ARHGAP32: variants seen among roughly 807,000 people sequenced by gnomAD.
The protein encoded by ARHGAP32 is Rho GTPase activating protein 32.
ARHGAP32 carries 51 observed loss-of-function variants against 186.5 expected under a neutral mutation model. The observed-to-expected ratio is 0.27, with a 90% confidence interval of 0.22 to 0.35. The LOEUF (loss-of-function observed/expected upper bound fraction) is 0.35. ARHGAP32 is among the 10% of genes least tolerant of loss of function. ARHGAP32 has a pLI of 1.00. For synonymous variants in ARHGAP32, 950 were observed against 964.3 expected (o/e 0.99, Z 0.27); for missense variants, 2,186 against 2,623.5 (o/e 0.83, Z 3.64).
rs1812902 is a variant in ARHGAP32, at chr11:129,138,319, C to A, written c.226-13425G>T. Among the ~76,000 whole-genome samples, 130 of 77,744 alleles carry A rather than the reference C, an allele frequency of 1.7e-3. 5 individuals are homozygous for A. Among genetic ancestry groups the A allele is most frequent in the Non-Finnish European group, 1.9e-3 (66 of 34,866 alleles). 51.0% of individuals were successfully genotyped at this position (77,744 alleles called of 152,430 possible). A position where few individuals can be genotyped will look rare whatever the true frequency, so the allele number is the denominator to read the frequency against. On this transcript the variant is annotated intron_variant, in intron 2 of 22. Transcript: ENST00000682385. The stretch of plus-strand genomic sequence containing the variant: ...GGTAAAAAAAAAAAAAAAAAAAGAA[C>A]AATGCCGTCTTAAAAAGTAGAGCAT...
At chr11:129,205,393 T>C (rs1944503600) in intron 1 of ARHGAP32, among the ~76,000 whole-genome samples, 2 of 152,290 alleles carry the variant, frequency 1.3e-5, no homozygotes, top group South Asian at 4.1e-4. Context: ...CAGGTACTAT[T>C]CAAGTTACAA....
intron 6 of ARHGAP32, among the ~76,000 whole-genome samples, chr11:129,079,174 T>A (rs1284752011): frequency 6.6e-6 from 1 of 152,172 alleles, no homozygotes; most frequent in East Asian, 1.9e-4. Context: ...ATCTAAAGGT[T>A]TGGAAAACAT....
chr11:129,133,960 T>TA (rs1210182943), intron 2 of ARHGAP32, among the ~76,000 whole-genome samples: 1 of 152,204 alleles, frequency 6.6e-6, no homozygotes, highest in East Asian at 1.9e-4. Flanking sequence ...GTGATCTATA[T>TA]AAAAACTTTA....
At chr11:129,100,802 A>G (rs950267266) in intron 5 of ARHGAP32, among the ~76,000 whole-genome samples, 3 of 152,132 alleles carry the variant, frequency 2.0e-5, no homozygotes, top group Non-Finnish European at 4.4e-5. Flanking sequence ...CACCTCCAGC[A>G]CAACTGTGTG....
chr11:129,002,465 G>C (rs574903132), intron 11 of ARHGAP32, among the ~76,000 whole-genome samples: 6 of 152,080 alleles, frequency 3.9e-5, no homozygotes, highest in Non-Finnish European at 7.4e-5. Context: ...TACTGAATTT[G>C]TTTTATCAGT....
intron 1 of ARHGAP32, among the ~76,000 whole-genome samples, chr11:129,186,572 C>A (rs987787833): frequency 8.6e-5 from 13 of 151,968 alleles, no homozygotes; most frequent in African/African-American, 2.9e-4. Flanking sequence ...AGAAAACAAT[C>A]AACAAAGTGA....
At chr11:129,071,593 A>C (rs1940868401) in intron 6 of ARHGAP32, among the ~76,000 whole-genome samples, 1 of 151,908 alleles carries the variant, frequency 6.6e-6, no homozygotes, top group Non-Finnish European at 1.5e-5. Context: ...GAAACAAGGG[A>C]CTCCCCATAC....
intron 11 of ARHGAP32, among the ~76,000 whole-genome samples, chr11:129,000,415 T>G (rs1946323482): frequency 6.6e-6 from 1 of 152,204 alleles, no homozygotes; most frequent in South Asian, 2.1e-4. Context: ...CTAAGCCAGA[T>G]GGCCTAAATC....
intron 12 of ARHGAP32, among the ~76,000 whole-genome samples, chr11:128,997,408 C>T (rs1205555512): frequency 6.6e-6 from 1 of 152,158 alleles, no homozygotes; most frequent in Non-Finnish European, 1.5e-5. Context: ...ATACTATCAA[C>T]TCAGTATTAT....
At chr11:129,150,282 A>G (rs1943261262) in intron 2 of ARHGAP32, among the ~76,000 whole-genome samples, 1 of 152,112 alleles carries the variant, frequency 6.6e-6, no homozygotes, top group Non-Finnish European at 1.5e-5. Context: ...TGGCCTTCCT[A>G]GAGATCTAGA....
At chr11:129,200,410 C>T (rs1820271818) in intron 1 of ARHGAP32, among the ~76,000 whole-genome samples, 2 of 152,074 alleles carry the variant, frequency 1.3e-5, no homozygotes, top group African/African-American at 4.8e-5. Flanking sequence ...GGGGGTGGTT[C>T]CCCCATACTT....
intron 10 of ARHGAP32, among the ~76,000 whole-genome samples, chr11:129,053,730 A>T (rs1160021987): frequency 6.6e-6 from 1 of 152,178 alleles, no homozygotes; most frequent in Non-Finnish European, 1.5e-5. Context: ...ACACCTAAGT[A>T]CTCAAGAAAT....
intron 10 of ARHGAP32, among the ~76,000 whole-genome samples, chr11:129,051,677 C>G (rs1247648860): frequency 6.6e-6 from 1 of 151,984 alleles, no homozygotes; most frequent in Non-Finnish European, 1.5e-5. Flanking sequence ...GGTATATTGG[C>G]TGGGCGTGGT....
At chr11:129,187,017 A>G (rs2135545508) in intron 1 of ARHGAP32, among the ~76,000 whole-genome samples, 1 of 152,322 alleles carries the variant, frequency 6.6e-6, no homozygotes, top group East Asian at 1.9e-4. Context: ...TGTTGGACAT[A>G]TACCCAAATG....
intron 2 of ARHGAP32, among the ~76,000 whole-genome samples, chr11:129,159,613 C>T (rs571118706): frequency 4.0e-5 from 6 of 151,768 alleles, no homozygotes; most frequent in East Asian, 1.9e-4. Context: ...CAGGATCAGA[C>T]GGATTCACAG....
Position 129,041,001 on chromosome 11 carries a change from G to A in ARHGAP32, c.972C>T (p.Leu324=). The A allele has an allele frequency of 6.3e-7, 1 of 1,594,972 alleles. No homozygotes were observed. The highest frequency in any genetic ancestry group is 8.5e-7 in the Non-Finnish European group (1 of 1,169,876). ...TTAACTCAACACAGTGTCCAGGGAA[G>A]AGTCCCACCTGATGAAAAGCAACAA... ...WRGKHGFQVG[L]FPGHCVELIN... The change falls in exon 11 of 23, where the codon CTC becomes CTT. Residue 324 remains leucine (L), a synonymous_variant. Coordinates refer to ENST00000682385, the MANE Select transcript of ARHGAP32 (RefSeq NM_001378024.1).
At chr11:129,151,198 C>T (rs187529591) in intron 2 of ARHGAP32, among the ~76,000 whole-genome samples, 146 of 152,114 alleles carry the variant, frequency 9.6e-4, no homozygotes, top group Non-Finnish European at 1.2e-3. Context: ...TAAATATATA[C>T]GCACTTAACA....
chr11:129,124,039 A>AT (rs1942598501), intron 3 of ARHGAP32, 110 bp from the exon 4 acceptor site: 4 of 628,456 alleles, frequency 6.4e-6, no homozygotes, highest in African/African-American at 2.0e-5. Flanking sequence ...AAAACTGATT[A>AT]CTTTCAGGTA....
intron 6 of ARHGAP32, among the ~76,000 whole-genome samples, chr11:129,091,233 G>C (rs1941569816): frequency 6.6e-6 from 1 of 151,978 alleles, no homozygotes; most frequent in Non-Finnish European, 1.5e-5. Flanking sequence ...TATTGCTTTG[G>C]GTCCATGCTG....
Sources: gnomAD v4.1 joint callset for allele counts (sites outside exome capture counted in the v4.1 genomes callset) on GRCh38, gnomAD v4.1.1 for gene constraint, MANE v1.5 for transcripts, NCBI Gene and HGNC (gene_info 2026-07-23, HGNC 2026-07-21) for gene names.